The following FUT8 variants were observed in gnomAD, a reference collection of about 807,000 sequenced individuals.
FUT8 encodes the protein fucosyltransferase 8.
A neutral mutation model predicts 71.3 loss-of-function variants in FUT8; 29 were observed. The ratio of observed to expected loss-of-function variants is 0.41; its 90% confidence interval spans 0.30 to 0.55. The LOEUF (loss-of-function observed/expected upper bound fraction) is 0.55, where lower values mean the gene tolerates loss of function less well. FUT8 is among the 20% of genes least tolerant of loss of function. The probability of loss-of-function intolerance (pLI) is 0.34; values close to 1 mark genes in which losing one functional copy is unlikely to be tolerated. For missense variants in FUT8, 544 were observed against 702.1 expected, an observed-to-expected ratio of 0.77 and a Z score of 2.55; for synonymous variants, 254 against 239.3, an observed-to-expected ratio of 1.06 and a Z score of -0.57.
chr14:65,509,068 TTG>T (rs1186738341), intron 2 of FUT8, among the ~76,000 whole-genome samples: 3 of 152,124 alleles, frequency 2.0e-5, no homozygotes, highest in Non-Finnish European at 4.4e-5. Flanking sequence ...TCTTAGATTT[TTG>T]TCTTTAATCA....
intron 9 of FUT8, among the ~76,000 whole-genome samples, chr14:65,729,236 TC>T (rs1167719344): frequency 1.3e-5 from 2 of 152,026 alleles, no homozygotes; most frequent in Non-Finnish European, 2.9e-5. Context: ...CAGGCTGGTC[TC>T]GAACTCCTGG....
In FUT8 at chr14:65,669,596, A is replaced by G. The variant is rs1892381145; in HGVS notation, c.835+116A>G. On this transcript the variant is annotated intron_variant, in intron 7 of 10. Transcript: ENST00000673929. This position sits in a 1 kb window ranked among gnomAD's most constrained non-coding sequence, Gnocchi z 4.5. ...CTTATCTTTTCCTCTGGATCCATGAATACTATACATTATCCAGATAAAATC... is the reference window on the plus strand; with the variant it reads ...CTTATCTTTTCCTCTGGATCCATGAGTACTATACATTATCCAGATAAAATC... 6.0e-6 allele frequency: 4 copies of G among 667,478 alleles called. No homozygotes were observed. In the East Asian group the frequency reaches 1.0e-4, roughly 17 times the overall value. The allele number at this position is 667,478 out of a possible 1,614,324, so 41.3% of individuals were successfully genotyped here.
At chr14:65,438,595 C>G (rs186170464) in intron 1 of FUT8, among the ~76,000 whole-genome samples, 3 of 152,142 alleles carry the variant, frequency 2.0e-5, no homozygotes, top group Non-Finnish European at 4.4e-5. Context: ...TAGAGCAGCT[C>G]TGGAGTATTA....
chr14:65,666,299 A>G (rs1039376878), intron 6 of FUT8, among the ~76,000 whole-genome samples: 15 of 152,098 alleles, frequency 9.9e-5, no homozygotes, highest in Non-Finnish European at 1.5e-5. Flanking sequence ...GTCCTGACCT[A>G]TTTTATGATT....
chr14:65,402,909 T>G, the FUT8 span, among the ~76,000 whole-genome samples: 1 of 152,196 alleles, frequency 6.6e-6, no homozygotes, highest in Non-Finnish European at 1.5e-5. Context: ...CCAGCACAAT[T>G]TATAGGGAGT....
chr14:65,686,870 C>A (rs1893313350), intron 7 of FUT8, among the ~76,000 whole-genome samples: 1 of 152,102 alleles, frequency 6.6e-6, no homozygotes, highest in Non-Finnish European at 1.5e-5. Flanking sequence ...TACTTAAGGA[C>A]AGTTGTTCTG....
chr14:65,532,172 T>G (rs1393949872), intron 2 of FUT8, among the ~76,000 whole-genome samples: 1 of 152,186 alleles, frequency 6.6e-6, no homozygotes, highest in African/African-American at 2.4e-5. Context: ...GTAGTTCAAT[T>G]TTTAGCTCTT....
chr14:65,481,138 C>A lies in FUT8; in HGVS notation c.-228+25420C>A, dbSNP rs144007687. Among the ~76,000 whole-genome samples, 21 of 152,086 alleles carry A rather than the reference C, an allele frequency of 1.4e-4. No homozygotes were observed. In the East Asian group the frequency reaches 3.3e-3, roughly 24 times the overall value. On this transcript the variant is annotated intron_variant, in intron 2 of 10. Coordinates refer to ENST00000673929, the MANE Select transcript of FUT8 (RefSeq NM_001371533.1). ...TTTTCTGCTGGTTTTTTTTTATAAT[C>A]ATCATCATCTTAATGGGTGTGAAGT...
At chr14:65,398,359 C>T in the FUT8 span, among the ~76,000 whole-genome samples, 1 of 151,988 alleles carries the variant, frequency 6.6e-6, no homozygotes, top group Non-Finnish European at 1.5e-5. Flanking sequence ...AAGACAGTAC[C>T]AACACTCTGC....
intron 1 of FUT8, among the ~76,000 whole-genome samples, chr14:65,451,648 T>C (rs570670182): frequency 6.6e-6 from 1 of 152,258 alleles, no homozygotes; most frequent in South Asian, 2.1e-4. Context: ...TGAAAGATGG[T>C]AAATGCAGGG....
chr14:65,498,009 T>A (rs1263215426), intron 2 of FUT8, among the ~76,000 whole-genome samples: 1 of 152,074 alleles, frequency 6.6e-6, no homozygotes. Context: ...AGATAGAAAT[T>A]TTCAGGGAGT....
intron 3 of FUT8, among the ~76,000 whole-genome samples, chr14:65,570,405 G>GTT (rs5809281): frequency 5.0e-4 from 74 of 149,132 alleles, no homozygotes; most frequent in South Asian, 6.4e-4. Flanking sequence ...ATATTTGCAA[G>GTT]TTTTTTTTTT....
At chr14:65,563,380 T>G (rs572247536) in intron 3 of FUT8, among the ~76,000 whole-genome samples, 6 of 152,198 alleles carry the variant, frequency 3.9e-5, no homozygotes, top group African/African-American at 1.4e-4. Context: ...TTTTACAGAT[T>G]AACAATTATA....
At chr14:65,600,501 G>A (rs1009476067) in intron 3 of FUT8, among the ~76,000 whole-genome samples, 13 of 152,176 alleles carry the variant, frequency 8.5e-5, no homozygotes, top group African/African-American at 3.1e-4. Context: ...CATTAAATAA[G>A]TGGTTATAGA....
chr14:65,571,486 A>G (rs1211009426), intron 3 of FUT8, among the ~76,000 whole-genome samples: 2 of 152,028 alleles, frequency 1.3e-5, no homozygotes, highest in Non-Finnish European at 2.9e-5. Flanking sequence ...GCATCAACAT[A>G]CTCTTACATA....
chr14:65,366,103 C>T, the FUT8 span, among the ~76,000 whole-genome samples: 2 of 152,180 alleles, frequency 1.3e-5, no homozygotes, highest in Admixed American at 1.3e-4. Context: ...GGGTCTGGAT[C>T]CAGAACCCTT....
At chr14:65,373,154 G>C in the FUT8 span, among the ~76,000 whole-genome samples, 2 of 151,738 alleles carry the variant, frequency 1.3e-5, no homozygotes, top group Non-Finnish European at 2.9e-5. Context: ...TGGGATCTTA[G>C]TCAACTGTTG....
intron 1 of FUT8, among the ~76,000 whole-genome samples, chr14:65,436,830 G>C (rs1442811223): frequency 1.3e-5 from 2 of 152,006 alleles, no homozygotes; most frequent in African/African-American, 4.8e-5. Context: ...TATTATCTAG[G>C]ATTATCAGTG....
intron 3 of FUT8, among the ~76,000 whole-genome samples, chr14:65,580,933 TACTTAC>T (rs1235746553): frequency 6.6e-6 from 1 of 152,084 alleles, no homozygotes; most frequent in African/African-American, 2.4e-5. Flanking sequence ...ATTTACTAAA[TACTTAC>T]ATATTGTTCT....
Sources: allele counts gnomAD v4.1 joint callset (sites outside exome capture counted in the v4.1 genomes callset), GRCh38; gene constraint gnomAD v4.1.1; non-coding constraint Gnocchi (gnomAD v3.1); transcripts MANE v1.5; gene names NCBI Gene and HGNC (gene_info 2026-07-23, HGNC 2026-07-21).